SLAMF6: variants seen among roughly 807,000 people sequenced by gnomAD.
The protein encoded by SLAMF6 is SLAM family member 6, also known as NK-T-B-antigen.
Under a neutral mutation model 38.3 loss-of-function variants are expected in SLAMF6, and 21 were observed. The observed-to-expected ratio is 0.55, with a 90% CI of 0.39 to 0.79. The LOEUF is 0.79. Ranked by LOEUF, SLAMF6 falls within the 30% of genes least tolerant of loss-of-function variation. The pLI is 0.00. For missense variants in SLAMF6, 341 were observed against 385.3 expected, an observed-to-expected ratio of 0.89 and a Z score of 0.96; for synonymous variants, 152 against 146.3, an observed-to-expected ratio of 1.04 and a Z score of -0.28.
chr1:160,517,700 G>C (rs922825900), intron 1 of SLAMF6, among the ~76,000 whole-genome samples: 1 of 152,200 alleles, frequency 6.6e-6, no homozygotes, highest in Non-Finnish European at 1.5e-5. Flanking sequence ...CATGTCCTTT[G>C]CAGGAATGTG....
chr1:160,495,683 G>T (rs941646199), intron 2 of SLAMF6, among the ~76,000 whole-genome samples: 2 of 152,216 alleles, frequency 1.3e-5, no homozygotes, highest in African/African-American at 4.8e-5. Flanking sequence ...AAATCACTGT[G>T]ACTGAGGCTG....
At chr1:160,494,784 G>A (rs1284887572) in intron 2 of SLAMF6, among the ~76,000 whole-genome samples, 4 of 152,084 alleles carry the variant, frequency 2.6e-5, no homozygotes, top group Admixed American at 6.6e-5. Context: ...CAGATTGCCC[G>A]CTACAGCCTC....
intron 1 of SLAMF6, among the ~76,000 whole-genome samples, chr1:160,513,201 A>G (rs1654579825): frequency 6.6e-6 from 1 of 152,228 alleles, no homozygotes; most frequent in Admixed American, 6.5e-5. Flanking sequence ...ACACAACATG[A>G]AAACATCACA....
intron 1 of SLAMF6, among the ~76,000 whole-genome samples, chr1:160,498,146 C>G (rs994162516): frequency 6.6e-6 from 1 of 150,970 alleles, no homozygotes; most frequent in African/African-American, 2.5e-5. Flanking sequence ...GACCTAGCAC[C>G]TGTTTTTTTT....
intron 1 of SLAMF6, among the ~76,000 whole-genome samples, chr1:160,510,122 C>T (rs916594509): frequency 1.3e-5 from 2 of 152,004 alleles, no homozygotes; most frequent in Non-Finnish European, 2.9e-5. Flanking sequence ...AACCTCCTGA[C>T]AAAGAAAATC....
Position 160,487,178 on chromosome 1 carries a change from G to A in SLAMF6, c.880-3C>T, listed in dbSNP as rs751885553. On this transcript the variant is annotated splice_region_variant and splice_polypyrimidine_tract_variant and intron_variant, in intron 6 of 7. Coordinates refer to ENST00000368057, the MANE Select transcript of SLAMF6 (RefSeq NM_001184714.2). ...CTAGGTGTCCAGATTTCTGTTTCCT[G>A]TAAAAAGAATCATACCAATTTGGCT... The A allele has an allele frequency of 1.7e-5, 28 of 1,612,182 alleles. No individual in the cohort carries two copies. Among genetic ancestry groups the A allele is most frequent in the East Asian group, 2.2e-5 (1 of 44,810 alleles).
chr1:160,521,894 C>A (rs1220244697), intron 1 of SLAMF6, among the ~76,000 whole-genome samples: 1 of 152,122 alleles, frequency 6.6e-6, no homozygotes. Flanking sequence ...TCTTCCTACC[C>A]AATACACTAT....
chr1:160,523,096 A>G (rs1227253954), intron 1 of SLAMF6, 48 bp downstream of exon 1: 1 of 1,601,474 alleles, frequency 6.2e-7, no homozygotes, highest in African/African-American at 1.3e-5. Context: ...AAGCTGCACA[A>G]AACCAGGGAG....
intron 1 of SLAMF6, among the ~76,000 whole-genome samples, chr1:160,513,123 A>G (rs1490307911): frequency 6.6e-6 from 1 of 152,204 alleles, no homozygotes; most frequent in East Asian, 1.9e-4. Flanking sequence ...AGGATAAAAC[A>G]TTACAGGAGC....
chr1:160,495,436 T>C (rs553702919), intron 2 of SLAMF6, among the ~76,000 whole-genome samples: 1 of 152,346 alleles, frequency 6.6e-6, no homozygotes, highest in South Asian at 2.1e-4. Context: ...GGAAGGCAGA[T>C]TGTTGACTGG....
chr1:160,502,799 C>T (rs1028876026), intron 1 of SLAMF6, among the ~76,000 whole-genome samples: 5 of 152,114 alleles, frequency 3.3e-5, no homozygotes, highest in East Asian at 1.9e-4. Flanking sequence ...GCTGTGTTAG[C>T]TCCACAGGAG....
intron 1 of SLAMF6, among the ~76,000 whole-genome samples, chr1:160,521,807 T>A (rs555502712): frequency 2.0e-5 from 3 of 152,292 alleles, no homozygotes; most frequent in African/African-American, 7.2e-5. Flanking sequence ...ATTTTGTCAC[T>A]TTCTTTGGCT....
Position 160,523,220 on chromosome 1 carries a change from A to G in SLAMF6, c.-28T>C. ...TTTCCGCGGTGAAGACTGGTGCTTG[A>G]GACCTTGAGGCAGTCAATGTTTTTG... On this transcript the variant is annotated 5_prime_UTR_variant, in exon 1 of 8. Transcript: ENST00000368057. 2 of 1,610,854 alleles carry G rather than the reference A, an allele frequency of 1.2e-6. No homozygotes were observed. Among genetic ancestry groups the G allele is most frequent in the Non-Finnish European group, 1.7e-6 (2 of 1,178,630 alleles).
At chr1:160,494,670 A>G (rs895944738) in intron 2 of SLAMF6, among the ~76,000 whole-genome samples, 11 of 152,344 alleles carry the variant, frequency 7.2e-5, no homozygotes, top group African/African-American at 1.9e-4. Flanking sequence ...ACAGAAAAGA[A>G]GGAGGCAACC....
Position 160,486,717 on chromosome 1 carries a change from T to G in SLAMF6, c.989A>C (p.Asn330Thr), listed in dbSNP as rs1485433640. 1 of 1,613,670 alleles carries G rather than the reference T, an allele frequency of 6.2e-7. No individual in the cohort carries two copies. The highest frequency in any genetic ancestry group is 1.3e-5 in the African/African-American group (1 of 74,884). ...AGGCCTTTCAGCAACTTACACGACA[T>G]TGTCAAGGGCAGTTGCCCTGGAAAA... The part of the protein sequence containing the change: ...PTFSRATALD[N>T]VV Residue 330 changes from asparagine to threonine, a missense_variant, in exon 8 of 8, where the codon AAT (asparagine) becomes ACT (threonine). Asn to Thr is a moderately conservative substitution (Grantham distance 65). Coordinates refer to ENST00000368057, the MANE Select transcript of SLAMF6 (RefSeq NM_001184714.2).
chr1:160,518,564 G>A lies in SLAMF6; in HGVS notation c.49+4580C>T, dbSNP rs151137676. Among the ~76,000 whole-genome samples the A allele has an allele frequency of 8.5e-3, 1,296 of 152,134 alleles. 25 individuals carry two copies. Among genetic ancestry groups the A allele is most frequent in the African/African-American group, 0.03 (1,244 of 41,480 alleles). On this transcript the variant is annotated intron_variant, in intron 1 of 7. Coordinates refer to ENST00000368057, the MANE Select transcript of SLAMF6 (RefSeq NM_001184714.2). ...AGACCGGATAAAGAAAATGTGGTAC[G>A]TATACACCACGGAATACTATGCAGC...
At chr1:160,506,069 G>T (rs1039187929) in intron 1 of SLAMF6, among the ~76,000 whole-genome samples, 4 of 152,024 alleles carry the variant, frequency 2.6e-5, no homozygotes, top group African/African-American at 9.7e-5. Flanking sequence ...CCAAGGAGGA[G>T]CAGAGAGAGA....
chr1:160,490,640 A>G lies in SLAMF6; in HGVS notation c.692T>C (p.Val231Ala). 6.2e-7 allele frequency: 1 copy of G among 1,613,892 alleles called. No individual in the cohort carries two copies. The highest frequency in any genetic ancestry group is 8.5e-7 in the Non-Finnish European group (1 of 1,179,880). ...YTDTKMILFM[V>A]SGICIVFGFI... The stretch of plus-strand genomic sequence containing the variant: ...ACCGAAGACTATGCATATCCCAGAA[A>G]CCATAAACAGAATCATTTTGGTATC... Residue 231 changes from valine to alanine, a missense_variant, in exon 4 of 8, where the codon GTT becomes GCT. Physicochemically the swap from Val to Ala is moderately conservative, Grantham distance 64 (BLOSUM62 0). Coordinates refer to ENST00000368057, the MANE Select transcript of SLAMF6 (RefSeq NM_001184714.2).
intron 1 of SLAMF6, among the ~76,000 whole-genome samples, chr1:160,510,314 C>T (rs1654407437): frequency 6.6e-6 from 1 of 152,000 alleles, no homozygotes; most frequent in Non-Finnish European, 1.5e-5. Context: ...ACTGATATCC[C>T]TTATGAATAT....
Sources: allele counts gnomAD v4.1 joint callset (sites outside exome capture counted in the v4.1 genomes callset), GRCh38; gene constraint gnomAD v4.1.1; transcripts MANE v1.5; gene names NCBI Gene and HGNC (gene_info 2026-07-23, HGNC 2026-07-21).